The following ERC2 variants were observed in gnomAD, a reference collection of about 807,000 sequenced individuals.
The protein encoded by ERC2 is ERC protein 2.
Under a neutral mutation model 114.8 loss-of-function variants are expected in ERC2, and 42 were observed. That is an observed-to-expected ratio of 0.37 (90% CI 0.29 to 0.47). ERC2 has a LOEUF of 0.47. ERC2 is among the 20% of genes least tolerant of loss of function. ERC2 has a pLI of 0.99. For missense variants in ERC2, 939 were observed against 1,150.7 expected, an observed-to-expected ratio of 0.82 and a Z score of 2.66; for synonymous variants, 454 against 425.5, an observed-to-expected ratio of 1.07 and a Z score of -0.82.
chr3:55,803,787 C>A (rs970163338), intron 14 of ERC2, among the ~76,000 whole-genome samples: 1 of 152,114 alleles, frequency 6.6e-6, no homozygotes, highest in African/African-American at 2.4e-5. Flanking sequence ...CATCATGGGA[C>A]TGATTGCAGG....
At position 56,411,097 on chromosome 3, in the gene ERC2, G is replaced by A. The variant is rs376140728; in HGVS notation, c.657+23254C>T. On this transcript the variant is annotated intron_variant, in intron 2 of 17. Transcript: ENST00000288221. ...ATCCAGAAAGCTTAACCTCAATTTA[G>A]TTACAAAACTCAAACTACAATCAAT... Among the ~76,000 whole-genome samples, 5 of 143,438 alleles carry A rather than the reference G, an allele frequency of 3.5e-5. No homozygotes were observed. In the East Asian group the frequency reaches 1.0e-3, roughly 30 times the overall value. The allele number at this position is 143,438 out of a possible 152,430, so 94.1% of individuals were successfully genotyped here. A position where few individuals can be genotyped will look rare whatever the true frequency, so the allele number is the denominator to read the frequency against.
At chr3:56,073,290 C>G (rs1480759214) in intron 7 of ERC2, among the ~76,000 whole-genome samples, 1 of 152,184 alleles carries the variant, frequency 6.6e-6, no homozygotes, top group African/African-American at 2.4e-5. Flanking sequence ...AAGGAAAGGA[C>G]TCCTGTAGAC....
chr3:55,888,566 G>A lies in ERC2; in HGVS notation c.2404-17C>T, dbSNP rs2063462734. 6.2e-7 allele frequency: 1 copy of A among 1,612,448 alleles called. No homozygotes were observed. The highest frequency in any genetic ancestry group is 8.5e-7 in the Non-Finnish European group (1 of 1,178,804). ...TTCCTCTATCTGAAAGGCACATGGA[G>A]CTCTGTGTGTTATTTCTCCTTCATT... On this transcript the variant is annotated splice_polypyrimidine_tract_variant and intron_variant, in intron 13 of 17. Transcript: ENST00000288221.
intron 3 of ERC2, 179 bp from the exon 4 acceptor site, chr3:56,173,699 G>A (rs781425706): frequency 8.3e-5 from 46 of 557,100 alleles, no homozygotes; most frequent in Non-Finnish European, 1.3e-4. Context: ...CCTGCGTTCC[G>A]GTGAAAAGCT....
At chr3:56,223,515 T>C (rs1416357234) in intron 3 of ERC2, among the ~76,000 whole-genome samples, 4 of 36,858 alleles carry the variant, frequency 1.1e-4, no homozygotes, top group African/African-American at 2.3e-4. Context: ...CAAAGAAAAA[T>C]GGCAAAAAAA....
chr3:56,169,654 C>A (rs1437578081), intron 4 of ERC2, among the ~76,000 whole-genome samples: 2 of 152,028 alleles, frequency 1.3e-5, no homozygotes, highest in Non-Finnish European at 2.9e-5. Context: ...AAGCAATACC[C>A]CTGTTTTTTT....
At chr3:55,946,379 C>T (rs555141024) in intron 13 of ERC2, among the ~76,000 whole-genome samples, 1 of 152,144 alleles carries the variant, frequency 6.6e-6, no homozygotes, top group South Asian at 2.1e-4. Context: ...TTTTTTAATG[C>T]TTTATTGGGA....
chr3:55,605,837 GAACATATCTACTGTA>G (rs1177248925), intron 17 of ERC2, among the ~76,000 whole-genome samples: 1 of 152,188 alleles, frequency 6.6e-6, no homozygotes, highest in Non-Finnish European at 1.5e-5. Flanking sequence ...CAACATTGAT[GAACATATCTACTGTA>G]AAAGCAAGTA....
intron 3 of ERC2, among the ~76,000 whole-genome samples, chr3:56,233,452 C>G (rs1483275954): frequency 1.3e-5 from 2 of 152,034 alleles, no homozygotes; most frequent in Non-Finnish European, 2.9e-5. Flanking sequence ...GAAACCCCAT[C>G]TCTACTAAAA....
chr3:56,115,677 CT>C (rs1431788927), intron 6 of ERC2, among the ~76,000 whole-genome samples: 1 of 152,048 alleles, frequency 6.6e-6, no homozygotes, highest in Non-Finnish European at 1.5e-5. Flanking sequence ...TGAATCATGC[CT>C]TTTTTTCAGT....
intron 3 of ERC2, among the ~76,000 whole-genome samples, chr3:56,187,461 G>A (rs918403287): frequency 6.6e-6 from 1 of 152,136 alleles, no homozygotes; most frequent in Admixed American, 6.5e-5. Context: ...TTTTGTTTTA[G>A]GTAAGTGGCT....
rs1280212325 is a variant in ERC2, at chr3:56,019,641, C to A, written c.1642-610G>T. 2.6e-5 allele frequency among the ~76,000 whole-genome samples: 4 copies of A among 152,266 alleles called. No homozygotes were observed. The East Asian group carries it at 7.7e-4, about 29-fold the overall frequency. ...TCAAATGTAACAAGTACTAAACACT[C>A]CATTTGGCAACTAAGTCATGTGCTG... On this transcript the variant is annotated intron_variant, in intron 7 of 17. Transcript: ENST00000288221.
chr3:56,225,145 T>G (rs1412161624), intron 3 of ERC2, among the ~76,000 whole-genome samples: 1 of 152,140 alleles, frequency 6.6e-6, no homozygotes, highest in Admixed American at 6.5e-5. Context: ...TCTCAAGATT[T>G]TCTCCACTCC....
intron 3 of ERC2, among the ~76,000 whole-genome samples, chr3:56,220,343 A>C (rs1390278314): frequency 6.6e-6 from 1 of 152,180 alleles, no homozygotes; most frequent in African/African-American, 2.4e-5. Context: ...TACACAGAAA[A>C]ATGGTTTTGG....
At chr3:55,649,453 G>C (rs1350329731) in intron 17 of ERC2, among the ~76,000 whole-genome samples, 1 of 151,880 alleles carries the variant, frequency 6.6e-6, no homozygotes, top group Non-Finnish European at 1.5e-5. Flanking sequence ...CTAGAGATGG[G>C]GTTTCACCAT....
intron 17 of ERC2, among the ~76,000 whole-genome samples, chr3:55,511,963 C>A (rs891375755): frequency 6.6e-6 from 1 of 152,238 alleles, no homozygotes; most frequent in Non-Finnish European, 1.5e-5. Flanking sequence ...TGATGCTCAA[C>A]TTTGTGTGCC....
At chr3:56,077,372 A>G (rs1388969676) in intron 7 of ERC2, among the ~76,000 whole-genome samples, 3 of 152,224 alleles carry the variant, frequency 2.0e-5, no homozygotes, top group Non-Finnish European at 4.4e-5. Context: ...AACATGAAAC[A>G]TTTCCAAACC....
At chr3:55,853,876 T>C (rs1347248073) in intron 14 of ERC2, among the ~76,000 whole-genome samples, 2 of 152,260 alleles carry the variant, frequency 1.3e-5, no homozygotes, top group East Asian at 3.9e-4. Context: ...TACTTAACAC[T>C]ACTAAGCTGG....
At chr3:56,324,528 A>G (rs1303383648) in intron 2 of ERC2, among the ~76,000 whole-genome samples, 4 of 152,166 alleles carry the variant, frequency 2.6e-5, no homozygotes, top group Admixed American at 1.3e-4. Flanking sequence ...GCACCATCAT[A>G]AAGTCAAAAA....
Sources: gnomAD v4.1 joint callset for allele counts (sites outside exome capture counted in the v4.1 genomes callset) on GRCh38, gnomAD v4.1.1 for gene constraint, MANE v1.5 for transcripts, NCBI Gene and HGNC (gene_info 2026-07-23, HGNC 2026-07-21) for gene names.